The following MSH6 variants were observed in gnomAD, a reference collection of about 807,000 sequenced individuals.
The protein encoded by MSH6 is mutS homolog 6.
A neutral mutation model predicts 119.1 loss-of-function variants in MSH6; 85 were observed. The observed-to-expected ratio is 0.71, with a 90% CI of 0.60 to 0.85. The LOEUF (loss-of-function observed/expected upper bound fraction) is 0.85. MSH6 is among the 40% of genes least tolerant of loss of function. The pLI, the probability that MSH6 is intolerant of heterozygous loss-of-function variation, is 0.00. For missense variants in MSH6, 2,163 were observed against 1,655.3 expected (o/e 1.31, Z -5.32); for synonymous variants, 830 against 586.9 (o/e 1.41, Z -5.99).
At position 47,787,451 on chromosome 2, in the gene MSH6, T is replaced by G. The variant is rs535163563; in HGVS notation, c.261-3476T>G. Among the ~76,000 whole-genome samples the G allele has an allele frequency of 5.9e-5, 9 of 152,348 alleles. No homozygotes were observed. The East Asian group carries it at 1.7e-3, about 29-fold the overall frequency. On this transcript the variant is annotated intron_variant, in intron 1 of 9. Coordinates refer to ENST00000234420, the MANE Select transcript of MSH6 (RefSeq NM_000179.3). ...GCGTATGTTTAGACAAAGCCATTAC[T>G]TATTATATCAAAGTTTTAACATTTA...
chr2:47,788,946 T>TTTTTTTTTTTTTTTTTTTTTTTTTTG (rs1553409740), intron 1 of MSH6, among the ~76,000 whole-genome samples: 2 of 115,752 alleles, frequency 1.7e-5, no homozygotes, highest in African/African-American at 3.4e-5. Context: ...TTTTTTTTTT[T>TTTTTTTTTTTTTTTTTTTTTTTTTTG]TGTGAGACGG....
rs876661282 is a variant in MSH6, at chr2:47,798,933, A to G, written c.950A>G (p.Lys317Arg). Reference protein sequence around the residue: ...NGSLKRKSSRKETPSATKQAT... With the variant: ...NGSLKRKSSRRETPSATKQAT... ...TCTCTTAAAAGGAAAAGCTCTAGGA[A>G]GGAAACGCCCTCAGCCACCAAACAA... The change falls in exon 4 of 10, where the codon AAG becomes AGG. Residue 317 changes from lysine (K) to arginine (R), a missense_variant. Transcript: ENST00000234420. 1 of 1,614,180 alleles carries G rather than the reference A, an allele frequency of 6.2e-7. No individual in the cohort carries two copies. The highest frequency in any genetic ancestry group is 8.5e-7 in the Non-Finnish European group (1 of 1,180,034).
intron 4 of MSH6, chr2:47,801,422 A>G (rs1005828741): frequency 4.2e-5 from 15 of 358,888 alleles, no homozygotes; most frequent in African/African-American, 3.3e-4. Context: ...AGGCTAGAAT[A>G]TGGTGACACA....
chr2:47,794,660 A>G (rs567516682), intron 2 of MSH6, among the ~76,000 whole-genome samples: 2 of 152,132 alleles, frequency 1.3e-5, no homozygotes, highest in Non-Finnish European at 2.9e-5. Flanking sequence ...CAAAATGTGA[A>G]GGCCCCTTAA....
chr2:47,787,534 C>G (rs1668420653), intron 1 of MSH6, among the ~76,000 whole-genome samples: 1 of 152,106 alleles, frequency 6.6e-6, no homozygotes, highest in Non-Finnish European at 1.5e-5. Context: ...TAAAAAACCC[C>G]AAGAATACCG....
At chr2:47,809,272 A>G (rs372111670), downstream of MSH6, 34 of 1,513,772 alleles carry the variant, frequency 2.2e-5, no homozygotes, top group Non-Finnish European at 2.9e-5. Context: ...GTTATCTGTA[A>G]TAAAAGAAAG....
At chr2:47,788,786 G>T (rs1274251774) in intron 1 of MSH6, among the ~76,000 whole-genome samples, 1 of 151,012 alleles carries the variant, frequency 6.6e-6, no homozygotes, top group East Asian at 2.0e-4. Context: ...TGGCCAGGCT[G>T]GTCTTGAACT....
intron 5 of MSH6, 48 bp from the exon 6 acceptor site, chr2:47,804,862 A>G (rs764319905): frequency 7.0e-6 from 10 of 1,420,542 alleles, no homozygotes; most frequent in Admixed American, 1.7e-5. Context: ...AAAGTTTATG[A>G]AACTGTTACT....
At chr2:47,808,343 A>T, downstream of MSH6, 1 of 1,612,490 alleles carries the variant, frequency 6.2e-7, no homozygotes. Context: ...CATGTCTAAT[A>T]AACTCTACAT....
intron 3 of MSH6, 28 bp downstream of exon 3, chr2:47,796,091 A>G: frequency 6.2e-7 from 1 of 1,612,768 alleles, no homozygotes; most frequent in Non-Finnish European, 8.5e-7. Context: ...TTCAGTTGTT[A>G]TTTATGTTAG....
rs138599331 is a variant in MSH6, at chr2:47,802,325, TTATGTTG to T, written c.3173-1091_3173-1085del. On this transcript the variant is annotated intron_variant, in intron 4 of 9. Transcript: ENST00000234420. ...ACCATTGCTGTTTTATAGTTTAGGT[TTATGTTG>T]TATATTTTTTTTAATTTTTTAGAGA... 8.1e-3 allele frequency among the ~76,000 whole-genome samples: 1,231 copies of T among 152,264 alleles called. 16 individuals are homozygous for T. The highest frequency in any genetic ancestry group is 0.029 in the African/African-American group (1,205 of 41,558).
chr2:47,796,442 A>G (rs186928058), intron 3 of MSH6, among the ~76,000 whole-genome samples: 14 of 152,258 alleles, frequency 9.2e-5, no homozygotes, highest in East Asian at 1.9e-4. Context: ...GGGTCTTGCT[A>G]TGTTGCCCAG....
intron 1 of MSH6, among the ~76,000 whole-genome samples, chr2:47,788,242 CTTTCTTTTTTTTT>C (rs1668461150): frequency 9.2e-6 from 1 of 108,658 alleles, no homozygotes; most frequent in Non-Finnish European, 1.9e-5. Context: ...TTCATTCTTT[CTTTCTTTTTTTTT>C]TTTTTTTTTT....
At chr2:47,791,378 A>C (rs989297690) in intron 2 of MSH6, among the ~76,000 whole-genome samples, 1 of 152,186 alleles carries the variant, frequency 6.6e-6, no homozygotes, top group Non-Finnish European at 1.5e-5. Context: ...TACCCTTAAT[A>C]AGGGTAAACT....
intron 5 of MSH6, 71 bp from the exon 6 acceptor site, chr2:47,804,839 C>A: frequency 8.5e-7 from 1 of 1,175,360 alleles, no homozygotes; most frequent in South Asian, 1.2e-5. Flanking sequence ...CGTAAGGGTT[C>A]ATAAGAAAGA....
chr2:47,809,479 A>G, downstream of MSH6: 1 of 779,364 alleles, frequency 1.3e-6, no homozygotes, highest in Non-Finnish European at 2.0e-6. Flanking sequence ...TTTCTTTCAA[A>G]ATCTATCTTA....
At chr2:47,809,288 G>A (rs1008853340), downstream of MSH6, 3 of 1,419,648 alleles carry the variant, frequency 2.1e-6, no homozygotes, top group African/African-American at 1.4e-5. Context: ...GAAAGAATAA[G>A]TAAAAATTCA....
intron 6 of MSH6, 137 bp from the exon 7 acceptor site, chr2:47,805,481 A>C: frequency 2.8e-6 from 2 of 724,598 alleles, no homozygotes; most frequent in Non-Finnish European, 4.8e-6. Flanking sequence ...CCCGGCCAAT[A>C]ATTGCATAGT....
intron 5 of MSH6, among the ~76,000 whole-genome samples, chr2:47,804,075 A>G (rs1443964556): frequency 6.6e-6 from 1 of 152,330 alleles, no homozygotes; most frequent in South Asian, 2.1e-4. Context: ...GAAAGCAAAT[A>G]TAGTTCATGA....
Sources: gnomAD v4.1 joint callset for allele counts (sites outside exome capture counted in the v4.1 genomes callset) on GRCh38, gnomAD v4.1.1 for gene constraint, MANE v1.5 for transcripts, NCBI Gene and HGNC (gene_info 2026-07-23, HGNC 2026-07-21) for gene names.